RGS7: variants seen among roughly 807,000 people sequenced by gnomAD.
RGS7 encodes the protein regulator of G-protein signaling 7.
A neutral mutation model predicts 81.1 loss-of-function variants in RGS7; 27 were observed. The observed-to-expected ratio is 0.33, with a 90% CI of 0.25 to 0.46. The LOEUF is 0.46. Ranked by LOEUF, RGS7 falls within the 20% of genes least tolerant of loss-of-function variation. The probability of loss-of-function intolerance (pLI) is 1.00; values close to 1 mark genes in which losing one functional copy is unlikely to be tolerated. For synonymous variants in RGS7, 208 were observed against 207.7 expected, an observed-to-expected ratio of 1.00 and a Z score of -0.01; for missense variants, 396 against 607.4, an observed-to-expected ratio of 0.65 and a Z score of 3.66.
At chr1:240,920,356 G>A (rs1324099674) in intron 6 of RGS7, 7 of 1,537,662 alleles carry the variant, frequency 4.6e-6, no homozygotes, top group Non-Finnish European at 6.2e-6. Context: ...TGTGGTGGTG[G>A]ATATGGTGGC....
At chr1:240,889,653 C>T (rs1667962087) in intron 6 of RGS7, among the ~76,000 whole-genome samples, 1 of 152,158 alleles carries the variant, frequency 6.6e-6, no homozygotes, top group Non-Finnish European at 1.5e-5. Flanking sequence ...GGTAATGATA[C>T]AATAGGAAAA....
intron 18 of RGS7, among the ~76,000 whole-genome samples, chr1:240,799,343 A>C (rs1361014369): frequency 9.1e-6 from 1 of 109,934 alleles, no homozygotes; most frequent in Non-Finnish European, 1.8e-5. Context: ...TCCTTCAGTA[A>C]TTCCAGTTGT....
intron 3 of RGS7, among the ~76,000 whole-genome samples, chr1:241,076,812 G>A (rs1469503206): frequency 6.6e-6 from 1 of 152,130 alleles, no homozygotes; most frequent in African/African-American, 2.4e-5. Flanking sequence ...ATAAGCAGTG[G>A]GAAAAATTTT....
rs77895971 is a variant in RGS7 at position 241,322,743 on chromosome 1, G to T, written c.78+32956C>A. ...TACCAACATGGTTACTACTGAAGAT[G>T]TTAGTTTGGAAATACTTTTAGATCA... is the stretch of plus-strand genomic sequence containing the variant. On this transcript the variant is annotated intron_variant, in intron 2 of 18. Coordinates refer to ENST00000440928, the MANE Select transcript of RGS7 (RefSeq NM_001364886.1). Among the ~76,000 whole-genome samples the T allele has an allele frequency of 1.9e-4, 29 of 152,274 alleles. No homozygotes were observed. In the East Asian group the frequency reaches 5.6e-3, roughly 29 times the overall value.
chr1:240,839,010 C>T (rs569707945), intron 9 of RGS7, among the ~76,000 whole-genome samples: 2 of 152,346 alleles, frequency 1.3e-5, no homozygotes, highest in South Asian at 4.1e-4. Context: ...CGTGATCCGC[C>T]TGCCTTGGCC....
At chr1:241,241,465 T>C (rs1322504713) in intron 2 of RGS7, among the ~76,000 whole-genome samples, 1 of 152,172 alleles carries the variant, frequency 6.6e-6, no homozygotes, top group African/African-American at 2.4e-5. Flanking sequence ...TTCATCTCCA[T>C]GTTCCACGGG....
At chr1:240,794,255 T>C (rs1686614354) in intron 18 of RGS7, among the ~76,000 whole-genome samples, 1 of 152,154 alleles carries the variant, frequency 6.6e-6, no homozygotes, top group Non-Finnish European at 1.5e-5. Context: ...GGCTTGTCTC[T>C]ACTTTATTGT....
At chr1:240,899,189 A>G (rs1276306248) in intron 6 of RGS7, among the ~76,000 whole-genome samples, 1 of 152,120 alleles carries the variant, frequency 6.6e-6, no homozygotes, top group Admixed American at 6.5e-5. Context: ...TCTGTACATG[A>G]GACGGGTCTC....
chr1:240,786,341 T>G (rs1415598015), intron 18 of RGS7, among the ~76,000 whole-genome samples: 4 of 152,284 alleles, frequency 2.6e-5, no homozygotes, highest in African/African-American at 9.6e-5. Flanking sequence ...CTGAATAACG[T>G]GTGTATTAAA....
chr1:240,867,984 G>A (rs567644193), intron 9 of RGS7, among the ~76,000 whole-genome samples: 4 of 132,580 alleles, frequency 3.0e-5, no homozygotes, highest in African/African-American at 1.0e-4. Flanking sequence ...CTGGGCCACA[G>A]AGCCAGATCC....
At chr1:241,295,667 T>C (rs180957603) in intron 2 of RGS7, among the ~76,000 whole-genome samples, 2 of 152,290 alleles carry the variant, frequency 1.3e-5, no homozygotes, top group Admixed American at 1.3e-4. Flanking sequence ...TTTTCTTCTG[T>C]CTGTAGCACA....
At chr1:241,153,404 C>T (rs752300292) in intron 2 of RGS7, among the ~76,000 whole-genome samples, 20 of 151,702 alleles carry the variant, frequency 1.3e-4, no homozygotes, top group Admixed American at 8.5e-4. Flanking sequence ...TATTATGAGG[C>T]GCTGAACAAT....
chr1:240,921,896 C>T (rs987449913), intron 6 of RGS7, among the ~76,000 whole-genome samples: 3 of 151,858 alleles, frequency 2.0e-5, no homozygotes, highest in Non-Finnish European at 4.4e-5. Context: ...ATTGACAAAC[C>T]GATTCCAAAG....
intron 4 of RGS7, among the ~76,000 whole-genome samples, chr1:240,956,782 A>G (rs1680503955): frequency 6.6e-6 from 1 of 152,108 alleles, no homozygotes; most frequent in Non-Finnish European, 1.5e-5. Flanking sequence ...TGGTTTTCTG[A>G]CGTGATGACA....
chr1:241,315,885 T>A (rs1256924540), intron 2 of RGS7, among the ~76,000 whole-genome samples: 1 of 152,256 alleles, frequency 6.6e-6, no homozygotes, highest in Non-Finnish European at 1.5e-5. Flanking sequence ...TACACATATA[T>A]TATTAGGCAT....
intron 2 of RGS7, among the ~76,000 whole-genome samples, chr1:241,229,749 G>A (rs1414428328): frequency 6.6e-6 from 1 of 152,236 alleles, no homozygotes; most frequent in African/African-American, 2.4e-5. Context: ...CACACCGTCA[G>A]GGGAGAGTGA....
At chr1:241,161,369 CTGTT>C (rs1368497306) in intron 2 of RGS7, among the ~76,000 whole-genome samples, 4 of 151,842 alleles carry the variant, frequency 2.6e-5, no homozygotes, top group Admixed American at 1.3e-4. Context: ...ATAATTAAAA[CTGTT>C]TGCACAATGG....
chr1:240,900,492 T>A (rs1669810328), intron 6 of RGS7, among the ~76,000 whole-genome samples: 1 of 152,184 alleles, frequency 6.6e-6, no homozygotes, highest in Non-Finnish European at 1.5e-5. Flanking sequence ...TCCTTTCTGT[T>A]TGTTAGTTTT....
At chr1:241,198,751 A>G (rs1351214291) in intron 2 of RGS7, among the ~76,000 whole-genome samples, 1 of 152,190 alleles carries the variant, frequency 6.6e-6, no homozygotes, top group Non-Finnish European at 1.5e-5. Context: ...TTTACCAAAC[A>G]CATTTGGAAA....
Sources: allele counts gnomAD v4.1 joint callset (sites outside exome capture counted in the v4.1 genomes callset), GRCh38; gene constraint gnomAD v4.1.1; transcripts MANE v1.5; gene names NCBI Gene and HGNC (gene_info 2026-07-23, HGNC 2026-07-21).